KHDRBS2: variants seen among roughly 807,000 people sequenced by gnomAD.
The protein encoded by KHDRBS2 is KH domain-containing, RNA-binding, signal transduction-associated protein 2.
KHDRBS2 carries 26 observed loss-of-function variants against 44.3 expected under a neutral mutation model. The observed-to-expected ratio is 0.59, with a 90% CI of 0.43 to 0.81. The LOEUF (loss-of-function observed/expected upper bound fraction) is 0.81, where lower values mean the gene tolerates loss of function less well. Ranked by LOEUF, KHDRBS2 falls within the 40% of genes least tolerant of loss-of-function variation. The pLI is 0.00. For missense variants in KHDRBS2, 476 were observed against 433.1 expected, an observed-to-expected ratio of 1.10 and a Z score of -0.88; for synonymous variants, 194 against 151.1, an observed-to-expected ratio of 1.28 and a Z score of -2.08.
chr6:61,884,396 C>T (rs1162963171), intron 6 of KHDRBS2, among the ~76,000 whole-genome samples: 3 of 151,888 alleles, frequency 2.0e-5, no homozygotes, highest in East Asian at 1.9e-4. Context: ...TGTTGTGTCC[C>T]GATACACCTC....
At chr6:61,930,546 G>GAAAAAAAAAAAAAAAAAAAAAAA (rs1439236595) in intron 4 of KHDRBS2, among the ~76,000 whole-genome samples, 5 of 47,570 alleles carry the variant, frequency 1.1e-4, no homozygotes, top group African/African-American at 1.9e-4. Flanking sequence ...AAAAAAAAAA[G>GAAAAAAAAAAAAAAAAAAAAAAA]AAAAAAAAAA....
chr6:61,717,896 T>G (rs1431419082), intron 7 of KHDRBS2, among the ~76,000 whole-genome samples: 2 of 152,114 alleles, frequency 1.3e-5, no homozygotes, highest in African/African-American at 4.8e-5. Context: ...AACAGACGTC[T>G]GAATTGATTT....
the KHDRBS2 span, among the ~76,000 whole-genome samples, chr6:61,627,522 G>C: frequency 6.6e-6 from 1 of 152,224 alleles, no homozygotes; most frequent in African/African-American, 2.4e-5. Flanking sequence ...TGAGCCATGT[G>C]ATCTTGGCCT....
the KHDRBS2 span, among the ~76,000 whole-genome samples, chr6:61,662,767 T>C: frequency 6.6e-6 from 1 of 151,786 alleles, no homozygotes. Flanking sequence ...CTGGAGAGGA[T>C]GTGGAGAAAT....
the KHDRBS2 span, among the ~76,000 whole-genome samples, chr6:61,604,200 C>G: frequency 6.6e-6 from 1 of 152,174 alleles, no homozygotes; most frequent in Non-Finnish European, 1.5e-5. Flanking sequence ...CAAGGGTCAT[C>G]TATCATTAAT....
the KHDRBS2 span, among the ~76,000 whole-genome samples, chr6:61,547,356 A>T: frequency 6.6e-6 from 1 of 152,126 alleles, no homozygotes. Flanking sequence ...TAAACTTTCT[A>T]TAATTTATTC....
chr6:61,770,376 T>G (rs1780675391), intron 6 of KHDRBS2, among the ~76,000 whole-genome samples: 1 of 151,944 alleles, frequency 6.6e-6, no homozygotes, highest in Non-Finnish European at 1.5e-5. Flanking sequence ...CTTTAGATGA[T>G]CAAACTACTC....
intron 3 of KHDRBS2, among the ~76,000 whole-genome samples, chr6:62,013,601 A>T (rs1780692793): frequency 6.6e-6 from 1 of 152,112 alleles, no homozygotes; most frequent in Non-Finnish European, 1.5e-5. Context: ...TTACATTATT[A>T]TTATAAAAAT....
At chr6:61,782,723 A>G (rs1214973326) in intron 6 of KHDRBS2, among the ~76,000 whole-genome samples, 7 of 142,194 alleles carry the variant, frequency 4.9e-5, no homozygotes, top group Non-Finnish European at 9.2e-5. Flanking sequence ...ATATATATAT[A>G]TATATATATA....
intron 6 of KHDRBS2, among the ~76,000 whole-genome samples, chr6:61,818,834 C>A (rs1789406509): frequency 6.6e-6 from 1 of 151,906 alleles, no homozygotes; most frequent in African/African-American, 2.4e-5. Flanking sequence ...AGTTTTATCT[C>A]CCCCTAACAA....
At chr6:62,252,610 TA>T (rs1836737440) in intron 1 of KHDRBS2, among the ~76,000 whole-genome samples, 1 of 152,114 alleles carries the variant, frequency 6.6e-6, no homozygotes, top group Admixed American at 6.6e-5. Context: ...GCTCAATACT[TA>T]TGTACTGATT....
At chr6:62,161,033 T>G (rs1817513861) in intron 2 of KHDRBS2, among the ~76,000 whole-genome samples, 1 of 152,084 alleles carries the variant, frequency 6.6e-6, no homozygotes, top group Non-Finnish European at 1.5e-5. Context: ...CTTTATGATT[T>G]TGACTACTTA....
intron 2 of KHDRBS2, among the ~76,000 whole-genome samples, chr6:62,078,094 A>G (rs1446842375): frequency 6.6e-6 from 1 of 152,052 alleles, no homozygotes. Context: ...GAGTATCTGC[A>G]TAACACCTTG....
chr6:61,649,264 C>T, the KHDRBS2 span, among the ~76,000 whole-genome samples: 1 of 152,192 alleles, frequency 6.6e-6, no homozygotes, highest in African/African-American at 2.4e-5. Context: ...CTTTATGACC[C>T]ATGGGATTTA....
Position 62,075,892 on chromosome 6 carries a change from C to CCTCT in KHDRBS2, c.220-27899_220-27898insAGAG, listed in dbSNP as rs1428711758. ...GGTGGCCTGGCAATCCCTATCTCTC[C>CCTCT]CTATCTCTCTCTCTCTCTCTCTTCT... On this transcript the variant is annotated intron_variant, in intron 2 of 8. Transcript: ENST00000281156. Among the ~76,000 whole-genome samples the CCTCT allele has an allele frequency of 3.3e-4, 33 of 100,752 alleles. 1 individual carries two copies. The highest frequency in any genetic ancestry group is 1.1e-3 in the African/African-American group (30 of 26,640). 66.1% of individuals were successfully genotyped at this position (100,752 alleles called of 152,430 possible).
chr6:61,748,392 C>T (rs1562086718), intron 6 of KHDRBS2, among the ~76,000 whole-genome samples: 1 of 152,132 alleles, frequency 6.6e-6, no homozygotes, highest in Non-Finnish European at 1.5e-5. Flanking sequence ...TTGCTTAGGG[C>T]TGATGACTTA....
chr6:61,848,510 T>TATATAC lies in KHDRBS2; in HGVS notation c.810+46124_810+46125insGTATAT, dbSNP rs1491479304. Among the ~76,000 whole-genome samples, 26 of 48,142 alleles carry TATATAC rather than the reference T, an allele frequency of 5.4e-4. 2 individuals are homozygous for TATATAC. Among genetic ancestry groups the TATATAC allele is most frequent in the African/African-American group, 2.9e-3 (25 of 8,612 alleles). 31.6% of individuals were successfully genotyped at this position (48,142 alleles called of 152,430 possible). ...ATATATGTATATATATATATATATA[T>TATATAC]GTATATATGTATATATATATACATA... is the stretch of plus-strand genomic sequence containing the variant. On this transcript the variant is annotated intron_variant, in intron 6 of 8. Transcript: ENST00000281156.
chr6:61,849,484 C>A (rs1430358927), intron 6 of KHDRBS2, among the ~76,000 whole-genome samples: 1 of 152,040 alleles, frequency 6.6e-6, no homozygotes. Context: ...AAATAAAGTA[C>A]ATAACTTAAG....
At chr6:61,556,067 C>A in the KHDRBS2 span, among the ~76,000 whole-genome samples, 11 of 152,302 alleles carry the variant, frequency 7.2e-5, no homozygotes, top group South Asian at 2.3e-3. Context: ...GGGCCTAGGG[C>A]TGCCTGCATC....
Sources: gnomAD v4.1 joint callset for allele counts (sites outside exome capture counted in the v4.1 genomes callset) on GRCh38, gnomAD v4.1.1 for gene constraint, MANE v1.5 for transcripts, NCBI Gene and HGNC (gene_info 2026-07-23, HGNC 2026-07-21) for gene names.